Variants in FLI1 observed in about 807,000 individuals in gnomAD.
FLI1 encodes Friend leukemia integration 1 transcription factor.
Under a neutral mutation model 53.1 loss-of-function variants are expected in FLI1, and 13 were observed. The observed-to-expected ratio is 0.24, with a 90% confidence interval of 0.16 to 0.39. FLI1 has a LOEUF of 0.39. Among genes scored for constraint, FLI1 ranks in the 10% least tolerant of loss-of-function variants. FLI1 has a pLI of 1.00. For synonymous variants in FLI1, 244 were observed against 236.7 expected (o/e 1.03, Z -0.28); for missense variants, 424 against 600.5 (o/e 0.71, Z 3.07).
intron 5 of FLI1, among the ~76,000 whole-genome samples, chr11:128,784,751 ACTAT>A (rs1223004624): frequency 6.6e-6 from 1 of 152,062 alleles, no homozygotes; most frequent in African/African-American, 2.4e-5. Flanking sequence ...TGCTCTAATC[ACTAT>A]CTATTAGCTA....
intron 1 of FLI1, among the ~76,000 whole-genome samples, chr11:128,712,780 A>G (rs1938839725): frequency 6.6e-6 from 1 of 152,164 alleles, no homozygotes; most frequent in Admixed American, 6.5e-5. Flanking sequence ...TTGGGTGGGG[A>G]CACAGAGCCA....
intron 1 of FLI1, among the ~76,000 whole-genome samples, chr11:128,697,699 G>C (rs1159466407): frequency 6.6e-6 from 1 of 152,212 alleles, no homozygotes; most frequent in Non-Finnish European, 1.5e-5. Context: ...GGGCATACCA[G>C]GACAGATTGG....
chr11:128,709,810 G>A (rs1938712064), intron 1 of FLI1, among the ~76,000 whole-genome samples: 1 of 152,152 alleles, frequency 6.6e-6, no homozygotes, highest in South Asian at 2.1e-4. Flanking sequence ...TCTTCCCCAT[G>A]TCCTTGTGGT....
At chr11:128,801,388 C>T (rs1374231410) in intron 5 of FLI1, among the ~76,000 whole-genome samples, 3 of 152,226 alleles carry the variant, frequency 2.0e-5, no homozygotes, top group Non-Finnish European at 4.4e-5. Flanking sequence ...GAGATGACCA[C>T]ACTGCTAAAT....
At chr11:128,734,504 A>T (rs1311561316) in intron 1 of FLI1, among the ~76,000 whole-genome samples, 5 of 152,240 alleles carry the variant, frequency 3.3e-5, no homozygotes, top group Non-Finnish European at 5.9e-5. Flanking sequence ...GGAGGAAGGA[A>T]CATGTTACAT....
chr11:128,776,613 C>T (rs371987759), intron 4 of FLI1, among the ~76,000 whole-genome samples: 230 of 152,276 alleles, frequency 1.5e-3, no homozygotes, highest in African/African-American at 5.3e-3. Context: ...ATCGCACCAC[C>T]GCACTCTGGC....
intron 3 of FLI1, among the ~76,000 whole-genome samples, chr11:128,769,487 T>C (rs1941475114): frequency 6.6e-6 from 1 of 152,196 alleles, no homozygotes; most frequent in African/African-American, 2.4e-5. Flanking sequence ...TGTTAAGGGC[T>C]GCCTCCTGCC....
At chr11:128,803,264 TG>T (rs1942684863) in intron 5 of FLI1, among the ~76,000 whole-genome samples, 1 of 152,204 alleles carries the variant, frequency 6.6e-6, no homozygotes, top group Non-Finnish European at 1.5e-5. Context: ...CACCACACCC[TG>T]TTTTCTAGCA....
intron 3 of FLI1, among the ~76,000 whole-genome samples, chr11:128,771,025 A>G (rs183395022): frequency 4.6e-4 from 70 of 152,368 alleles, no homozygotes; most frequent in African/African-American, 1.2e-3. Flanking sequence ...GTGAAGTCCT[A>G]TAATGGTTTC....
intron 1 of FLI1, among the ~76,000 whole-genome samples, chr11:128,750,624 G>A (rs780962625): frequency 6.6e-6 from 1 of 152,116 alleles, no homozygotes; most frequent in Non-Finnish European, 1.5e-5. Flanking sequence ...TTTCCATCTC[G>A]GCCTTAGCTA....
rs78009879 is a variant in FLI1 at position 128,763,699 on chromosome 11, A to C, written c.231-4419A>C. On this transcript the variant is annotated intron_variant, in intron 2 of 8. Transcript: ENST00000527786. ...TCTCTGGCTGCGAGGCCCCTTTCTA[A>C]ACTCTTGTGTTCTCAACCTTGCAGT... Among the ~76,000 whole-genome samples, 1,210 of 152,204 alleles carry C rather than the reference A, an allele frequency of 7.9e-3. 17 individuals are homozygous for C. The highest frequency in any genetic ancestry group is 0.028 in the African/African-American group (1,162 of 41,506).
At chr11:128,770,020 T>A (rs644589) in intron 3 of FLI1, among the ~76,000 whole-genome samples, 7 of 152,024 alleles carry the variant, frequency 4.6e-5, no homozygotes, top group African/African-American at 1.2e-4. Context: ...GAAAGCTTGC[T>A]GGACTGAAGG....
At chr11:128,725,186 G>C (rs544840016) in intron 1 of FLI1, among the ~76,000 whole-genome samples, 1 of 152,258 alleles carries the variant, frequency 6.6e-6, no homozygotes, top group African/African-American at 2.4e-5. Context: ...CCTCAAGTCT[G>C]TGTTCAGCTA....
chr11:128,751,942 C>T (rs1021102410), intron 1 of FLI1, among the ~76,000 whole-genome samples: 10 of 151,526 alleles, frequency 6.6e-5, no homozygotes, highest in African/African-American at 1.5e-4. Flanking sequence ...GGATTATGGG[C>T]ATGAGCCATT....
chr11:128,810,958 C>A lies in FLI1; in HGVS notation c.1329C>A (p.His443Gln), dbSNP rs373018480. 1.3e-5 allele frequency: 21 copies of A among 1,614,050 alleles called. No homozygotes were observed. The highest frequency in any genetic ancestry group is 1.7e-5 in the Admixed American group (1 of 60,038). ...NPNVPRHPNT[H>Q]VPSHLGSYY ...ACGTCCCCCGCCATCCTAACACCCA[C>A]GTGCCTTCACACTTAGGCAGCTACT... The change falls in exon 9 of 9, where the codon CAC becomes CAA. Residue 443 changes from histidine to glutamine, a missense_variant. This residue lies in a region of FLI1 where 87 missense variants were observed against 100.0 expected (regional missense o/e 0.87). Coordinates refer to ENST00000527786, the MANE Select transcript of FLI1 (RefSeq NM_002017.5). The surrounding 1 kb of genome is among the most constrained non-coding windows in gnomAD (Gnocchi z 6.6).
intron 7 of FLI1, 97 bp from the exon 8 acceptor site, chr11:128,809,060 G>C (rs1281085213): frequency 3.2e-6 from 3 of 926,506 alleles, no homozygotes; most frequent in Non-Finnish European, 5.0e-6. Flanking sequence ...CTGTGATCTT[G>C]AAATAAAAGT....
intron 1 of FLI1, among the ~76,000 whole-genome samples, chr11:128,702,865 GA>G (rs10677310): frequency 7.3e-4 from 99 of 134,724 alleles, no homozygotes; most frequent in Middle Eastern, 3.9e-3. Flanking sequence ...CTGTCTCAAA[GA>G]AAAAAAAAAA....
chr11:128,797,827 G>C (rs942924332), intron 5 of FLI1, among the ~76,000 whole-genome samples: 1 of 152,120 alleles, frequency 6.6e-6, no homozygotes, highest in Non-Finnish European at 1.5e-5. Flanking sequence ...TCCTAAAGAT[G>C]ATCACCTAGC....
At chr11:128,772,089 GAGA>G (rs1941587384) in intron 3 of FLI1, among the ~76,000 whole-genome samples, 1 of 150,476 alleles carries the variant, frequency 6.6e-6, no homozygotes, top group East Asian at 1.9e-4. Context: ...TACACACACT[GAGA>G]AGGAGGAGGA....
Sources: allele counts gnomAD v4.1 joint callset (sites outside exome capture counted in the v4.1 genomes callset), GRCh38; gene constraint gnomAD v4.1.1; regional missense constraint gnomAD v4.1.1; non-coding constraint Gnocchi (gnomAD v3.1); transcripts MANE v1.5; gene names NCBI Gene and HGNC (gene_info 2026-07-23, HGNC 2026-07-21).